TRAPPC12: variants seen among roughly 807,000 people sequenced by gnomAD.
TRAPPC12 encodes trafficking protein particle complex subunit 12, also known as TPR repeat protein 15.
Under a neutral mutation model 69.2 loss-of-function variants are expected in TRAPPC12, and 61 were observed. That is an observed-to-expected ratio of 0.88 (90% CI 0.72 to 1.09). The LOEUF is 1.09. Among genes scored for constraint, TRAPPC12 ranks in the 50% least tolerant of loss-of-function variants. The probability of loss-of-function intolerance (pLI) is 0.00; values close to 1 mark genes in which losing one functional copy is unlikely to be tolerated. For synonymous variants in TRAPPC12, 469 were observed against 438.9 expected (o/e 1.07, Z -0.86); for missense variants, 1,101 against 1,016.4 (o/e 1.08, Z -1.13).
chr2:3,473,567 C>A (rs1450300832), intron 9 of TRAPPC12, among the ~76,000 whole-genome samples: 1 of 152,216 alleles, frequency 6.6e-6, no homozygotes, highest in African/African-American at 2.4e-5. Context: ...GCAGCCTTGA[C>A]CTCCTGGGCT....
intron 3 of TRAPPC12, among the ~76,000 whole-genome samples, chr2:3,402,559 C>T (rs1661505248): frequency 1.3e-5 from 2 of 152,164 alleles, no homozygotes; most frequent in Admixed American, 6.5e-5. Flanking sequence ...CACACCACTG[C>T]CACTCCAGCC....
At chr2:3,412,037 T>C (rs951691464) in intron 3 of TRAPPC12, among the ~76,000 whole-genome samples, 4 of 152,240 alleles carry the variant, frequency 2.6e-5, no homozygotes, top group Non-Finnish European at 5.9e-5. Context: ...ATTTCTTTGA[T>C]TACTAGTGTG....
At chr2:3,450,054 T>G (rs1048031683) in intron 6 of TRAPPC12, among the ~76,000 whole-genome samples, 1 of 152,130 alleles carries the variant, frequency 6.6e-6, no homozygotes, top group East Asian at 1.9e-4. Flanking sequence ...TGTCTTGACC[T>G]GGCTGGCAGT....
At chr2:3,402,352 G>C (rs1225248821) in intron 3 of TRAPPC12, among the ~76,000 whole-genome samples, 3 of 152,170 alleles carry the variant, frequency 2.0e-5, no homozygotes, top group African/African-American at 7.2e-5. Flanking sequence ...AGCACTTTGG[G>C]AGGCCAAGGC....
chr2:3,396,481 C>CTT lies in TRAPPC12; in HGVS notation c.1048-5294_1048-5293dup, dbSNP rs980702438. Among the ~76,000 whole-genome samples the CTT allele has an allele frequency of 6.8e-4, 103 of 152,162 alleles. 1 individual carries two copies. The highest frequency in any genetic ancestry group is 2.5e-3 in the African/African-American group (102 of 41,540). On this transcript the variant is annotated intron_variant, in intron 2 of 11. Coordinates refer to ENST00000324266, the MANE Select transcript of TRAPPC12 (RefSeq NM_016030.6). The stretch of plus-strand genomic sequence containing the variant: ...TTCATTGGCTGTTTTGGATCTGAGA[C>CTT]TTTATCATTTTTGTCAATTTGGGGA...
intron 6 of TRAPPC12, among the ~76,000 whole-genome samples, chr2:3,452,684 C>G (rs1479304300): frequency 3.9e-5 from 6 of 152,232 alleles, no homozygotes; most frequent in Admixed American, 3.9e-4. Flanking sequence ...AACCTCAGAG[C>G]TGTGGAAGCT....
At chr2:3,464,261 G>T (rs1665682401) in intron 8 of TRAPPC12, among the ~76,000 whole-genome samples, 1 of 152,222 alleles carries the variant, frequency 6.6e-6, no homozygotes, top group Non-Finnish European at 1.5e-5. Flanking sequence ...GCGTGGGAAA[G>T]GAGACCGAGG....
intron 1 of TRAPPC12, among the ~76,000 whole-genome samples, chr2:3,386,789 G>A (rs1037263041): frequency 6.6e-6 from 1 of 152,128 alleles, no homozygotes; most frequent in Non-Finnish European, 1.5e-5. Context: ...CATGGAAGAG[G>A]AGGGACTTAG....
intron 11 of TRAPPC12, 127 bp downstream of exon 11, chr2:3,479,060 T>C (rs1221963657): frequency 6.8e-7 from 1 of 1,479,300 alleles, no homozygotes; most frequent in South Asian, 1.3e-5. Context: ...AGGCAGTGGC[T>C]GTGGCCCTTA....
chr2:3,388,924 TTC>T, intron 2 of TRAPPC12: 3 of 414,286 alleles, frequency 7.2e-6, no homozygotes. Context: ...TCTACCGTAA[TTC>T]TCTCAGTCAG....
At chr2:3,478,747 C>T (rs899851558) in intron 10 of TRAPPC12, 99 bp from the exon 11 acceptor site, 95 of 1,034,950 alleles carry the variant, frequency 9.2e-5, no homozygotes, top group African/African-American at 7.3e-4. Context: ...CAGGGCCATA[C>T]GCTGGGTCTC....
intron 4 of TRAPPC12, 128 bp from the exon 5 acceptor site, chr2:3,424,397 A>G (rs1662980326): frequency 1.3e-6 from 1 of 791,756 alleles, no homozygotes; most frequent in East Asian, 2.8e-5. Flanking sequence ...ATGCAAAGAT[A>G]GAAAGTTAGG....
intron 4 of TRAPPC12, among the ~76,000 whole-genome samples, 183 bp downstream of exon 4, chr2:3,422,177 T>C (rs10206964): frequency 0.65 from 99,534 of 152,160 alleles, 32,974 homozygotes; most frequent in African/African-American, 0.76. Context: ...CCCGTCAGGA[T>C]GCCTGTGCGC....
chr2:3,420,043 G>A (rs901724645), intron 3 of TRAPPC12, among the ~76,000 whole-genome samples: 5 of 152,206 alleles, frequency 3.3e-5, no homozygotes, highest in South Asian at 2.1e-4. Flanking sequence ...TATGCCGAAT[G>A]CTTATATCCA....
chr2:3,441,706 A>G (rs1330411459), intron 5 of TRAPPC12, among the ~76,000 whole-genome samples: 1 of 140,576 alleles, frequency 7.1e-6, no homozygotes, highest in Non-Finnish European at 1.6e-5. Context: ...TAATAAAATA[A>G]TATTTTTATT....
At chr2:3,445,107 G>A (rs1047671935) in intron 6 of TRAPPC12, among the ~76,000 whole-genome samples, 2 of 152,224 alleles carry the variant, frequency 1.3e-5, no homozygotes, top group African/African-American at 4.8e-5. Flanking sequence ...TAGTATTTGA[G>A]AGAGAAAATT....
chr2:3,463,913 G>A (rs1665650649), intron 8 of TRAPPC12, among the ~76,000 whole-genome samples: 1 of 152,184 alleles, frequency 6.6e-6, no homozygotes, highest in Non-Finnish European at 1.5e-5. Flanking sequence ...TAGGGGGGCA[G>A]CTGCTACTTT....
chr2:3,457,349 A>C (rs577576442), intron 6 of TRAPPC12: 109 of 480,538 alleles, frequency 2.3e-4, no homozygotes, highest in African/African-American at 2.0e-3. Flanking sequence ...CATGCTGACT[A>C]CCTGGGTGAT....
intron 6 of TRAPPC12, among the ~76,000 whole-genome samples, chr2:3,444,958 T>C (rs1228929446): frequency 6.6e-6 from 1 of 152,250 alleles, no homozygotes; most frequent in Admixed American, 6.5e-5. Flanking sequence ...AACACTTTTC[T>C]TGAATCTTAA....
Sources: allele counts gnomAD v4.1 joint callset (sites outside exome capture counted in the v4.1 genomes callset), GRCh38; gene constraint gnomAD v4.1.1; transcripts MANE v1.5; gene names NCBI Gene and HGNC (gene_info 2026-07-23, HGNC 2026-07-21).